Variants in RP1 observed in about 807,000 individuals in gnomAD.
RP1 encodes RP1 axonemal microtubule associated.
RP1 carries 16 observed loss-of-function variants against 14.8 expected under a neutral mutation model. The ratio of observed to expected loss-of-function variants is 1.08; its 90% CI spans 0.73 to 1.65. RP1 has a LOEUF of 1.65. Ranked by LOEUF, RP1 falls within the 40% of genes most tolerant of loss-of-function variation. RP1 has a pLI of 0.00. For missense variants in RP1, 2,631 were observed against 2,535.0 expected, an observed-to-expected ratio of 1.04 and a Z score of -0.81; for synonymous variants, 876 against 883.6, an observed-to-expected ratio of 0.99 and a Z score of 0.15.
chr8:54,853,579 T>A (rs929903240), intron 26 of RP1, among the ~76,000 whole-genome samples: 4 of 152,210 alleles, frequency 2.6e-5, no homozygotes, highest in Non-Finnish European at 4.4e-5. Context: ...CATGGCCCAT[T>A]GCACCACAGG....
chr8:54,663,613 C>G (rs772030666), intron 6 of RP1: 449 of 1,287,634 alleles, frequency 3.5e-4, no homozygotes, highest in Non-Finnish European at 4.3e-4. Context: ...AACTTTTCCA[C>G]CATGGATAAG....
At chr8:54,679,345 A>G (rs1366403056) in intron 9 of RP1, 3 of 1,292,862 alleles carry the variant, frequency 2.3e-6, no homozygotes, top group Non-Finnish European at 2.2e-6. Flanking sequence ...TGTATTTCTG[A>G]CTTGGGAAGA....
At chr8:54,772,992 G>A (rs1809946584), downstream of RP1, among the ~76,000 whole-genome samples, 1 of 152,100 alleles carries the variant, frequency 6.6e-6, no homozygotes, top group Admixed American at 6.5e-5. Context: ...GACAGGTTGG[G>A]TTTTTGATAA....
Position 54,626,206 on chromosome 8 carries a change from C to A in RP1, c.2324C>A (p.Thr775Asn), listed in dbSNP as rs764538774. 4 of 1,609,612 alleles carry A rather than the reference C, an allele frequency of 2.5e-6. No homozygotes were observed. In the Admixed American group the frequency reaches 6.7e-5, roughly 27 times the overall value. ...TQNSKVQGLLTKRKSRSLNKI... is the reference protein window; with the variant it reads ...TQNSKVQGLLNKRKSRSLNKI... ...AATTCCAAGGTTCAAGGACTTTTAA[C>A]CAAAAGAAAATCTAGATCACTAAAT... Residue 775 changes from threonine to asparagine, a missense_variant, in exon 4 of 4, where the codon ACC (threonine) becomes AAC (asparagine). By Grantham distance (65) the Thr-to-Asn change is moderately conservative. Coordinates refer to ENST00000220676, the MANE Select transcript of RP1 (RefSeq NM_006269.2).
rs1434833026 is a variant in RP1, at chr8:54,625,580, G to T, written c.1698G>T (p.Leu566Phe). 6.2e-7 allele frequency: 1 copy of T among 1,614,072 alleles called. No individual in the cohort carries two copies. The highest frequency in any genetic ancestry group is 1.3e-5 in the African/African-American group (1 of 75,034). ...TAGAGATGTCACATAATAATGGTTT[G>T]CCATCAACTATATCAAATAACTCAA... Reference protein sequence around the residue: ...KMLEMSHNNGLPSTISNNSIV... With the variant: ...KMLEMSHNNGFPSTISNNSIV... The change falls in exon 4 of 4, where the codon TTG (leucine) becomes TTT (phenylalanine). Residue 566 changes from leucine (L) to phenylalanine (F), a missense_variant. Coordinates refer to ENST00000220676, the MANE Select transcript of RP1 (RefSeq NM_006269.2).
intron 24 of RP1, among the ~76,000 whole-genome samples, chr8:54,812,728 TTCTATGTA>T (rs993479665): frequency 1.3e-4 from 20 of 152,260 alleles, no homozygotes; most frequent in African/African-American, 4.8e-4. Context: ...TCTCTCTCTC[TTCTATGTA>T]TCTATGTATC....
intron 3 of RP1, among the ~76,000 whole-genome samples, chr8:54,638,367 G>T (rs374527): frequency 0.22 from 33,092 of 150,668 alleles, 4,198 homozygotes; most frequent in East Asian, 0.42. Flanking sequence ...GAACCCAGGA[G>T]GTGGAGGTTG....
intron 1 of RP1, among the ~76,000 whole-genome samples, chr8:54,590,013 G>T (rs990968863): frequency 5.3e-5 from 8 of 152,032 alleles, no homozygotes; most frequent in African/African-American, 1.9e-4. Flanking sequence ...CAGATGACCT[G>T]CATCAAGTAC....
intron 26 of RP1, among the ~76,000 whole-genome samples, chr8:54,855,934 TAC>T (rs759603043): frequency 0.017 from 979 of 57,822 alleles, 6 homozygotes; most frequent in African/African-American, 0.051. Flanking sequence ...AGACTTACTA[TAC>T]ACACACACAC....
chr8:54,593,152 G>C (rs1805076694), intron 1 of RP1, among the ~76,000 whole-genome samples: 3 of 152,230 alleles, frequency 2.0e-5, no homozygotes, highest in South Asian at 4.1e-4. Flanking sequence ...ATTCATTGCT[G>C]TCTCTTCTGG....
chr8:54,640,104 AT>A, intron 3 of RP1, among the ~76,000 whole-genome samples: 1 of 146,474 alleles, frequency 6.8e-6, no homozygotes, highest in South Asian at 2.1e-4. Flanking sequence ...TATTTGTCCC[AT>A]TTTGAGCTTT....
At position 54,627,959 on chromosome 8, in the gene RP1, T is replaced by G. The variant is rs780936508; in HGVS notation, c.4077T>G (p.Thr1359=). The G allele has an allele frequency of 1.2e-6, 2 of 1,614,076 alleles. No homozygotes were observed. Among genetic ancestry groups the G allele is most frequent in the East Asian group, 4.5e-5 (2 of 44,850 alleles). Residue 1359 remains threonine (T), a synonymous_variant, in exon 4 of 4, where the codon ACT becomes ACG. Coordinates refer to ENST00000220676, the MANE Select transcript of RP1 (RefSeq NM_006269.2). The stretch of plus-strand genomic sequence containing the variant: ...CATATACTGATAACTTGGATTCAAC[T>G]GAAGAGTTAGAAAGAGGTGATGACA... ...ENTYTDNLDS[T]EELERGDDIQ... is the part of the protein sequence containing the mutation.
exon 24 of RP1, chr8:54,783,581 T>G (rs957409930): frequency 4.9e-6 from 6 of 1,231,710 alleles, no homozygotes; most frequent in Non-Finnish European, 5.1e-6. Context: ...TCACTGGGGA[T>G]CTTGAAAATG....
At chr8:54,652,540 C>G (rs74888900) in intron 4 of RP1, among the ~76,000 whole-genome samples, 1 of 151,966 alleles carries the variant, frequency 6.6e-6, no homozygotes, top group Non-Finnish European at 1.5e-5. Flanking sequence ...TTCTACCCAT[C>G]ATTAAAGTTG....
intron 19 of RP1, among the ~76,000 whole-genome samples, chr8:54,739,681 C>T (rs971788069): frequency 1.4e-4 from 21 of 151,284 alleles, no homozygotes; most frequent in African/African-American, 2.7e-4. Context: ...CTTGCAGACT[C>T]GTGTGCTTTC....
chr8:54,661,688 C>T (rs543854241), intron 6 of RP1, among the ~76,000 whole-genome samples: 21 of 152,064 alleles, frequency 1.4e-4, no homozygotes, highest in Non-Finnish European at 2.2e-4. Context: ...TTTGAATTCA[C>T]GGAATTCTTG....
At chr8:54,754,804 T>A in exon 20 of RP1, 2 of 1,494,900 alleles carry the variant, frequency 1.3e-6, no homozygotes, top group Non-Finnish European at 1.8e-6. Context: ...TAATTCCAGG[T>A]GACCATGCAA....
At chr8:54,789,803 C>A (rs1486319744) in intron 24 of RP1, among the ~76,000 whole-genome samples, 2 of 152,194 alleles carry the variant, frequency 1.3e-5, no homozygotes, top group Admixed American at 6.5e-5. Flanking sequence ...TCCTCACTGA[C>A]TGTGGAGCAC....
At chr8:54,779,942 T>C (rs1810141678) in intron 23 of RP1, among the ~76,000 whole-genome samples, 1 of 152,218 alleles carries the variant, frequency 6.6e-6, no homozygotes, top group South Asian at 2.1e-4. Context: ...CCAAACTCAG[T>C]GGCTGAAAAC....
Sources: allele counts gnomAD v4.1 joint callset (sites outside exome capture counted in the v4.1 genomes callset), GRCh38; gene constraint gnomAD v4.1.1; transcripts MANE v1.5; gene names NCBI Gene and HGNC (gene_info 2026-07-23, HGNC 2026-07-21).